The following C2orf42 variants were observed in gnomAD, a reference collection of about 807,000 sequenced individuals.
The protein encoded by C2orf42 is chromosome 2 open reading frame 42, also known as uncharacterized protein C2orf42.
A neutral mutation model predicts 58.9 loss-of-function variants in C2orf42; 44 were observed. That is an observed-to-expected ratio of 0.75 (90% CI 0.59 to 0.96). The LOEUF is 0.96. C2orf42 is among the 40% of genes least tolerant of loss of function. The probability of loss-of-function intolerance (pLI) is 0.00; values close to 1 mark genes in which losing one functional copy is unlikely to be tolerated. For synonymous variants in C2orf42, 239 were observed against 265.4 expected (o/e 0.90, Z 0.97); for missense variants, 630 against 699.2 (o/e 0.90, Z 1.12).
intron 8 of C2orf42, among the ~76,000 whole-genome samples, chr2:70,162,868 A>T (rs1673149022): frequency 1.3e-5 from 2 of 152,000 alleles, no homozygotes; most frequent in Admixed American, 1.3e-4. Context: ...CATTATGCTG[A>T]ATTTTCTACT....
chr2:70,164,792 G>A (rs1039397926), intron 8 of C2orf42, among the ~76,000 whole-genome samples: 4 of 151,920 alleles, frequency 2.6e-5, no homozygotes, highest in Middle Eastern at 3.4e-3. Context: ...GTCAAATCTA[G>A]GACTCATCAT....
chr2:70,174,614 T>C (rs1267653823), intron 5 of C2orf42, among the ~76,000 whole-genome samples: 1 of 152,018 alleles, frequency 6.6e-6, no homozygotes, highest in East Asian at 1.9e-4. Context: ...AAACAGTCCA[T>C]CACAAAGACT....
At chr2:70,166,968 C>A (rs1189134862) in intron 6 of C2orf42, among the ~76,000 whole-genome samples, 1 of 152,150 alleles carries the variant, frequency 6.6e-6, no homozygotes, top group Non-Finnish European at 1.5e-5. Flanking sequence ...TGAGGGACTA[C>A]AAGTTAGGAC....
At chr2:70,170,874 G>A (rs1305427652) in intron 5 of C2orf42, among the ~76,000 whole-genome samples, 1 of 152,086 alleles carries the variant, frequency 6.6e-6, no homozygotes, top group Non-Finnish European at 1.5e-5. Flanking sequence ...CCAGCACTTT[G>A]GGAGGCCGAG....
chr2:70,153,032 C>CA (rs879667551), intron 9 of C2orf42, among the ~76,000 whole-genome samples: 7,243 of 115,170 alleles, frequency 0.063, 491 homozygotes, highest in Admixed American at 0.21. Context: ...GACTCCATCT[C>CA]AAAAAAAAAA....
At chr2:70,172,179 G>T (rs1433095487) in intron 5 of C2orf42, among the ~76,000 whole-genome samples, 1 of 146,868 alleles carries the variant, frequency 6.8e-6, no homozygotes, top group East Asian at 2.1e-4. Flanking sequence ...AGCTGAGATT[G>T]TGCCACTGTA....
chr2:70,154,546 G>C (rs1672535845), intron 9 of C2orf42, among the ~76,000 whole-genome samples: 1 of 149,260 alleles, frequency 6.7e-6, no homozygotes, highest in South Asian at 2.1e-4. Context: ...AGAAAGATTA[G>C]AAATAGACAC....
chr2:70,150,294 A>G lies in C2orf42; in HGVS notation c.*62T>C. The G allele has an allele frequency of 1.4e-6, 2 of 1,431,354 alleles. No individual in the cohort carries two copies. The highest frequency in any genetic ancestry group is 2.0e-6 in the Non-Finnish European group (2 of 1,022,962). The allele number at this position is 1,431,354 out of a possible 1,614,324, so 88.7% of individuals were successfully genotyped here. On this transcript the variant is annotated 3_prime_UTR_variant, in exon 10 of 10. Transcript: ENST00000264434. ...CCATCTAAGTGCCTAACTAGCATTT[A>G]AAGTTGTCAAGGGGTGGGGATGTGC...
intron 2 of C2orf42, chr2:70,182,358 A>C (rs1286146637): frequency 5.7e-6 from 1 of 176,440 alleles, no homozygotes; most frequent in Non-Finnish European, 1.2e-5. Flanking sequence ...TCAGCTTCCC[A>C]AAGTGCTGGG....
In C2orf42 at chr2:70,160,804, T is replaced by C. The variant is rs1171908438; in HGVS notation, c.1354-17A>G. On this transcript the variant is annotated splice_polypyrimidine_tract_variant and intron_variant, in intron 8 of 9. Transcript: ENST00000264434. ...CAAGGGCATCTGGACACCAAGACAA[T>C]ACCAAAAAAAGGTGAGAGAGAAAAC... 5.8e-6 allele frequency: 9 copies of C among 1,540,748 alleles called. No homozygotes were observed. The highest frequency in any genetic ancestry group is 7.8e-6 in the Non-Finnish European group (9 of 1,148,652).
Position 70,181,638 on chromosome 2 carries a change from A to G in C2orf42, c.348T>C (p.Tyr116=), listed in dbSNP as rs765184570. ...IITQLSSGRC[Y]VPSCLKAATQ... The stretch of plus-strand genomic sequence containing the variant: ...TGGCAGCTTTCAGGCATGAGGGGAC[A>G]TAACACCGTCCAGAGCTCAGCTGAG... The change falls in exon 3 of 10, where the codon TAT becomes TAC. Residue 116 remains tyrosine (Y), a synonymous_variant. Transcript: ENST00000264434. 1.9e-6 allele frequency: 3 copies of G among 1,614,026 alleles called. No homozygotes were observed. The highest frequency in any genetic ancestry group is 2.7e-5 in the African/African-American group (2 of 74,946).
chr2:70,183,767 T>C (rs1674741437), intron 1 of C2orf42, among the ~76,000 whole-genome samples: 1 of 151,278 alleles, frequency 6.6e-6, no homozygotes, highest in East Asian at 1.9e-4. Flanking sequence ...AGCTATGTTA[T>C]ATAATTGGTC....
chr2:70,153,582 A>G (rs1270137740), intron 9 of C2orf42, among the ~76,000 whole-genome samples: 1 of 149,496 alleles, frequency 6.7e-6, no homozygotes, highest in Non-Finnish European at 1.5e-5. Flanking sequence ...GATGGTCTCG[A>G]TCTCCTGACC....
chr2:70,185,796 C>CACAT (rs1553412728), intron 1 of C2orf42, among the ~76,000 whole-genome samples: 2 of 149,628 alleles, frequency 1.3e-5, no homozygotes, highest in African/African-American at 4.9e-5. Flanking sequence ...TACACACACA[C>CACAT]ATATATATAT....
At chr2:70,178,378 G>T (rs796988362) in intron 4 of C2orf42, among the ~76,000 whole-genome samples, 4 of 152,040 alleles carry the variant, frequency 2.6e-5, no homozygotes, top group Non-Finnish European at 2.9e-5. Flanking sequence ...AGGCCAAGGC[G>T]GGTGGATCAC....
intron 9 of C2orf42, among the ~76,000 whole-genome samples, chr2:70,152,357 A>G (rs1672364157): frequency 6.6e-6 from 1 of 152,212 alleles, no homozygotes; most frequent in African/African-American, 2.4e-5. Flanking sequence ...ATTTCAAATG[A>G]TATCTGGAGC....
intron 4 of C2orf42, among the ~76,000 whole-genome samples, chr2:70,177,817 CTT>C (rs1251781378): frequency 6.6e-6 from 1 of 152,172 alleles, no homozygotes; most frequent in Non-Finnish European, 1.5e-5. Flanking sequence ...AGGAGGATCA[CTT>C]GAGGTCAGGA....
At chr2:70,159,133 G>A (rs1672894346) in intron 9 of C2orf42, among the ~76,000 whole-genome samples, 1 of 151,526 alleles carries the variant, frequency 6.6e-6, no homozygotes, top group Non-Finnish European at 1.5e-5. Context: ...TGATCCGCCT[G>A]TCTCAGCCTC....
intron 4 of C2orf42, among the ~76,000 whole-genome samples, chr2:70,176,360 C>T (rs1457832852): frequency 2.0e-5 from 3 of 151,984 alleles, no homozygotes; most frequent in East Asian, 1.9e-4. Context: ...AAAAATTAGC[C>T]GGGCGCGGTG....
Sources: allele counts gnomAD v4.1 joint callset (sites outside exome capture counted in the v4.1 genomes callset), GRCh38; gene constraint gnomAD v4.1.1; transcripts MANE v1.5; gene names NCBI Gene and HGNC (gene_info 2026-07-23, HGNC 2026-07-21).